HERC3: variants seen among roughly 807,000 people sequenced by gnomAD.
The protein encoded by HERC3 is probable E3 ubiquitin-protein ligase HERC3.
HERC3 carries 58 observed loss-of-function variants against 129.9 expected under a neutral mutation model. That is an observed-to-expected ratio of 0.45 (90% CI 0.36 to 0.56). The LOEUF is 0.56. Among genes scored for constraint, HERC3 ranks in the 20% least tolerant of loss-of-function variants. HERC3 has a pLI of 0.00. For missense variants in HERC3, 835 were observed against 1,244.2 expected, an observed-to-expected ratio of 0.67 and a Z score of 4.95; for synonymous variants, 430 against 451.0, an observed-to-expected ratio of 0.95 and a Z score of 0.59.
chr4:88,609,674 C>G (rs17799176), intron 3 of HERC3, among the ~76,000 whole-genome samples: 20,836 of 152,132 alleles, frequency 0.14, 1,655 homozygotes, highest in East Asian at 0.2. Context: ...AAAGAAGACA[C>G]CACAAAACTG....
the HERC3 span, among the ~76,000 whole-genome samples, chr4:88,564,533 T>C: frequency 2.6e-5 from 4 of 152,148 alleles, no homozygotes. Context: ...GGAATATAGT[T>C]GCTCAAAGCA....
chr4:88,707,742 C>G lies in HERC3; in HGVS notation c.*782C>G, dbSNP rs1400986949. ...TTTGACAATAAGGTTAATTGATAGA[C>G]CCACCACCTCTTGCACTCTCGCTTT... On this transcript the variant is annotated 3_prime_UTR_variant, in exon 26 of 26. Transcript: ENST00000402738. 1 of 152,320 alleles carries G rather than the reference C, an allele frequency of 6.6e-6. No individual in the cohort carries two copies. Among genetic ancestry groups the G allele is most frequent in the Non-Finnish European group, 1.5e-5 (1 of 68,044 alleles). 9.4% of individuals were successfully genotyped at this position (152,320 alleles called of 1,614,324 possible). A position where few individuals can be genotyped will look rare whatever the true frequency, so the allele number is the denominator to read the frequency against.
the HERC3 span, among the ~76,000 whole-genome samples, chr4:88,529,643 A>G: frequency 6.6e-6 from 1 of 151,828 alleles, no homozygotes; most frequent in Admixed American, 6.6e-5. Context: ...AATCCCAGTT[A>G]CTCGGGAGGC....
Position 88,708,329 on chromosome 4 carries a change from C to A in HERC3, c.*1369C>A, listed in dbSNP as rs534542588. The A allele has an allele frequency of 4.6e-5, 7 of 152,570 alleles. No homozygotes were observed. The East Asian group carries it at 1.4e-3, about 29-fold the overall frequency. 9.5% of individuals were successfully genotyped at this position (152,570 alleles called of 1,614,324 possible). On this transcript the variant is annotated 3_prime_UTR_variant, in exon 26 of 26. Coordinates refer to ENST00000402738, the MANE Select transcript of HERC3 (RefSeq NM_014606.3). ...TTATATAAAATGAAGTATTTATGAA[C>A]TGTGATAAAGCATCAAATCTTGATG...
intron 23 of HERC3, among the ~76,000 whole-genome samples, chr4:88,688,166 G>A (rs1733680853): frequency 6.6e-6 from 1 of 152,212 alleles, no homozygotes; most frequent in Non-Finnish European, 1.5e-5. Context: ...AGACACTAAA[G>A]AATGCAAGTT....
At chr4:88,650,764 T>C (rs1171509067) in intron 4 of HERC3, among the ~76,000 whole-genome samples, 5 of 152,266 alleles carry the variant, frequency 3.3e-5, no homozygotes, top group Admixed American at 6.5e-5. Context: ...AGATGTGAGC[T>C]ATTAATGGCA....
intron 23 of HERC3, among the ~76,000 whole-genome samples, chr4:88,695,025 G>A (rs1048011004): frequency 9.9e-5 from 15 of 152,104 alleles, no homozygotes; most frequent in East Asian, 3.9e-4. Flanking sequence ...TGTTTCAATC[G>A]TTTTTGCTTT....
At chr4:88,561,973 T>C in the HERC3 span, among the ~76,000 whole-genome samples, 2 of 152,220 alleles carry the variant, frequency 1.3e-5, no homozygotes, top group East Asian at 3.8e-4. Context: ...CAGATATCTT[T>C]GGAATGTACT....
At chr4:88,602,331 G>T (rs1484755988) in intron 2 of HERC3, among the ~76,000 whole-genome samples, 1 of 150,008 alleles carries the variant, frequency 6.7e-6, no homozygotes, top group African/African-American at 2.4e-5. Context: ...GAACCTGTGA[G>T]GCGTAGGTTG....
At chr4:88,551,879 A>C in the HERC3 span, among the ~76,000 whole-genome samples, 2 of 152,188 alleles carry the variant, frequency 1.3e-5, no homozygotes, top group African/African-American at 4.8e-5. Context: ...GACTTGGAAC[A>C]AACCCAAATG....
chr4:88,678,588 A>G (rs1414823215), intron 19 of HERC3, among the ~76,000 whole-genome samples: 1 of 152,192 alleles, frequency 6.6e-6, no homozygotes, highest in Non-Finnish European at 1.5e-5. Context: ...TAAATTATTA[A>G]GTGAAAAAAA....
intron 14 of HERC3, 109 bp downstream of exon 14, chr4:88,668,190 T>G: frequency 1.1e-6 from 1 of 880,058 alleles, no homozygotes; most frequent in South Asian, 1.5e-5. Flanking sequence ...TGCCATTTAA[T>G]ATCCTTAACA....
At position 88,682,846 on chromosome 4, in the gene HERC3, G is replaced by A. The variant is rs546677603; in HGVS notation, c.2507+1521G>A. ...CCTTTGGGTATATACCCAGTAATGG[G>A]ATGGCCGGGTCAAATGGTATTTCTA... On this transcript the variant is annotated intron_variant, in intron 21 of 25. Transcript: ENST00000402738. 3.9e-5 allele frequency among the ~76,000 whole-genome samples: 6 copies of A among 151,970 alleles called. No individual in the cohort carries two copies. In the South Asian group the frequency reaches 8.3e-4, roughly 21 times the overall value.
intron 16 of HERC3, 35 bp downstream of exon 16, chr4:88,670,287 T>G (rs769679821): frequency 2.1e-6 from 3 of 1,396,824 alleles, no homozygotes; most frequent in Non-Finnish European, 3.0e-6. Context: ...AAAGCTTTAG[T>G]CTTTTTATAA....
intron 3 of HERC3, among the ~76,000 whole-genome samples, chr4:88,637,752 C>T (rs752910196): frequency 1.1e-4 from 16 of 152,022 alleles, no homozygotes; most frequent in South Asian, 2.1e-4. Context: ...AAGATCAGAG[C>T]GGAACTGAAG....
chr4:88,574,785 AT>A, the HERC3 span, among the ~76,000 whole-genome samples: 5 of 152,298 alleles, frequency 3.3e-5, no homozygotes, highest in South Asian at 1.0e-3. Flanking sequence ...CATTGTATGC[AT>A]ACACCACCTT....
chr4:88,539,286 C>T, the HERC3 span, among the ~76,000 whole-genome samples: 26 of 152,226 alleles, frequency 1.7e-4, no homozygotes, highest in Middle Eastern at 3.4e-3. Context: ...CCTGGCTCTG[C>T]GGGTCCCATG....
intron 23 of HERC3, chr4:88,697,366 C>T (rs928887310): frequency 5.0e-6 from 8 of 1,613,964 alleles, no homozygotes; most frequent in Admixed American, 1.7e-5. Context: ...GGTCCATGCA[C>T]ACCCCTCCAT....
intron 19 of HERC3, among the ~76,000 whole-genome samples, chr4:88,678,869 G>A (rs984381680): frequency 5.9e-5 from 9 of 152,126 alleles, no homozygotes; most frequent in Non-Finnish European, 4.4e-5. Context: ...AATCTGCCTG[G>A]TTGTTCTTCC....
Sources: allele counts gnomAD v4.1 joint callset (sites outside exome capture counted in the v4.1 genomes callset), GRCh38; gene constraint gnomAD v4.1.1; transcripts MANE v1.5; gene names NCBI Gene and HGNC (gene_info 2026-07-23, HGNC 2026-07-21).